ZNF804A: variants seen among roughly 807,000 people sequenced by gnomAD.
The protein encoded by ZNF804A is zinc finger protein 804A.
Under a neutral mutation model 16.5 loss-of-function variants are expected in ZNF804A, and 2 were observed. That is an observed-to-expected ratio of 0.12 (90% CI 0.05 to 0.38). ZNF804A has a LOEUF of 0.38. Ranked by LOEUF, ZNF804A falls within the 10% of genes least tolerant of loss-of-function variation. The pLI, the probability that ZNF804A is intolerant of heterozygous loss-of-function variation, is 0.99. For synonymous variants in ZNF804A, 534 were observed against 489.6 expected (o/e 1.09, Z -1.20); for missense variants, 1,473 against 1,390.7 (o/e 1.06, Z -0.94).
intron 1 of ZNF804A, among the ~76,000 whole-genome samples, chr2:184,843,184 A>C (rs1002812188): frequency 3.9e-5 from 6 of 152,184 alleles, no homozygotes; most frequent in African/African-American, 1.4e-4. Flanking sequence ...TTGAGTGTGA[A>C]AAACCCAAAA....
intron 1 of ZNF804A, among the ~76,000 whole-genome samples, chr2:184,610,245 C>A (rs1258969048): frequency 6.6e-6 from 1 of 152,134 alleles, no homozygotes; most frequent in Non-Finnish European, 1.5e-5. Context: ...CTTGGATGTT[C>A]CAGCTTTGAC....
intron 1 of ZNF804A, among the ~76,000 whole-genome samples, chr2:184,829,027 T>C (rs967264816): frequency 6.6e-6 from 1 of 151,750 alleles, no homozygotes; most frequent in Non-Finnish European, 1.5e-5. Context: ...TATAAGGAGA[T>C]AATTGAATAC....
At chr2:184,770,861 A>C (rs1247254313) in intron 1 of ZNF804A, among the ~76,000 whole-genome samples, 3 of 152,048 alleles carry the variant, frequency 2.0e-5, no homozygotes, top group African/African-American at 7.2e-5. Flanking sequence ...CTGAATATAT[A>C]AATATTAGAT....
chr2:184,851,959 A>T (rs572187203), intron 1 of ZNF804A, among the ~76,000 whole-genome samples: 2 of 151,824 alleles, frequency 1.3e-5, no homozygotes, highest in Non-Finnish European at 3.0e-5. Flanking sequence ...TTTGTTTCAT[A>T]TATCTTTGGG....
chr2:184,691,430 G>A (rs934664406), intron 1 of ZNF804A, among the ~76,000 whole-genome samples: 1 of 151,062 alleles, frequency 6.6e-6, no homozygotes, highest in Middle Eastern at 3.2e-3. Context: ...TATATATATA[G>A]TAAATGTTGA....
chr2:184,700,369 GTTT>G (rs1692900197), intron 1 of ZNF804A, among the ~76,000 whole-genome samples: 1 of 151,962 alleles, frequency 6.6e-6, no homozygotes, highest in Admixed American at 6.6e-5. Context: ...GTAAAAACTG[GTTT>G]TAAGGACACA....
chr2:184,806,295 C>T (rs1047209576), intron 1 of ZNF804A, among the ~76,000 whole-genome samples: 1 of 151,698 alleles, frequency 6.6e-6, no homozygotes, highest in African/African-American at 2.4e-5. Flanking sequence ...TCCCTCGTGT[C>T]TTTATTTTTC....
At chr2:184,855,418 T>G (rs763928311) in intron 1 of ZNF804A, among the ~76,000 whole-genome samples, 4 of 152,030 alleles carry the variant, frequency 2.6e-5, no homozygotes, top group Non-Finnish European at 5.9e-5. Flanking sequence ...CAGCCAGATT[T>G]TGTTATTTCT....
rs1271692858 is a variant in ZNF804A at position 184,939,101 on chromosome 2, AC to A, written c.*76del. On this transcript the variant is annotated 3_prime_UTR_variant, in exon 4 of 4. Coordinates refer to ENST00000302277, the MANE Select transcript of ZNF804A (RefSeq NM_194250.2). ...GCGTTAAGTGTTCATCTATGTGGGT[AC>A]ATGGCTATTTAACTGGTGGAAATAA... The A allele has an allele frequency of 3.9e-6, 6 of 1,526,654 alleles. No individual in the cohort carries two copies. In the Middle Eastern group the frequency reaches 5.3e-4, roughly 134 times the overall value. The allele number at this position is 1,526,654 out of a possible 1,614,324, so 94.6% of individuals were successfully genotyped here.
At chr2:184,602,189 C>T (rs181891306) in intron 1 of ZNF804A, among the ~76,000 whole-genome samples, 3 of 151,794 alleles carry the variant, frequency 2.0e-5, no homozygotes, top group Non-Finnish European at 4.4e-5. Flanking sequence ...TTAATGTTGA[C>T]CCTATTTATG....
At chr2:184,742,724 A>T (rs1693726892) in intron 1 of ZNF804A, among the ~76,000 whole-genome samples, 1 of 151,532 alleles carries the variant, frequency 6.6e-6, no homozygotes, top group Non-Finnish European at 1.5e-5. Context: ...TAGAAAATAG[A>T]TAAATAAATA....
chr2:184,705,737 A>T (rs1206930127), intron 1 of ZNF804A, among the ~76,000 whole-genome samples: 1 of 152,222 alleles, frequency 6.6e-6, no homozygotes, highest in Non-Finnish European at 1.5e-5. Flanking sequence ...CATAACACAC[A>T]CACACACATA....
At chr2:184,623,511 C>T (rs1286794919) in intron 1 of ZNF804A, among the ~76,000 whole-genome samples, 3 of 152,084 alleles carry the variant, frequency 2.0e-5, no homozygotes, top group Non-Finnish European at 4.4e-5. Context: ...TATATTTTTA[C>T]TATGTTAATG....
intron 2 of ZNF804A, among the ~76,000 whole-genome samples, chr2:184,871,301 C>T (rs1695970628): frequency 6.6e-6 from 1 of 151,076 alleles, no homozygotes; most frequent in Non-Finnish European, 1.5e-5. Context: ...CCACTGTGAG[C>T]TTTGTAACCT....
chr2:184,613,719 A>G (rs1388148415), intron 1 of ZNF804A, among the ~76,000 whole-genome samples: 1 of 152,136 alleles, frequency 6.6e-6, no homozygotes, highest in East Asian at 1.9e-4. Context: ...TAGGAATACA[A>G]CTTACATGGA....
intron 1 of ZNF804A, among the ~76,000 whole-genome samples, chr2:184,636,456 A>AGAGAGAGAGAGAGAGGTAAATATGT (rs1691699673): frequency 9.7e-6 from 1 of 102,752 alleles, no homozygotes; most frequent in Non-Finnish European, 1.9e-5. Context: ...TGTGTGTGAG[A>AGAGAGAGAGAGAGAGGTAAATATGT]GAGAGAGAGA....
intron 1 of ZNF804A, among the ~76,000 whole-genome samples, chr2:184,701,574 G>C (rs1692919830): frequency 3.3e-5 from 5 of 151,722 alleles, no homozygotes; most frequent in Admixed American, 3.3e-4. Context: ...TATGCCTTAG[G>C]AACATTTTAT....
At chr2:184,672,915 T>C (rs1692359157) in intron 1 of ZNF804A, among the ~76,000 whole-genome samples, 1 of 152,126 alleles carries the variant, frequency 6.6e-6, no homozygotes, top group Non-Finnish European at 1.5e-5. Context: ...CTAATTTTTG[T>C]ATTTTTAGTA....
At chr2:184,659,915 A>G (rs2369593) in intron 1 of ZNF804A, among the ~76,000 whole-genome samples, 123,567 of 152,100 alleles carry the variant, frequency 0.81, 50,697 homozygotes, top group Non-Finnish European at 0.88. Flanking sequence ...AGACCTGAAC[A>G]GGGGGAAATG....
Sources: gnomAD v4.1 joint callset for allele counts (sites outside exome capture counted in the v4.1 genomes callset) on GRCh38, gnomAD v4.1.1 for gene constraint, MANE v1.5 for transcripts, NCBI Gene and HGNC (gene_info 2026-07-23, HGNC 2026-07-21) for gene names.